GAREM1: variants seen among roughly 807,000 people sequenced by gnomAD.
GAREM1 encodes GRB2 associated regulator of MAPK1 subtype 1.
Under a neutral mutation model 71.3 loss-of-function variants are expected in GAREM1, and 26 were observed. That is an observed-to-expected ratio of 0.36 (90% confidence interval 0.27 to 0.51). The LOEUF (loss-of-function observed/expected upper bound fraction) is 0.51. Among genes scored for constraint, GAREM1 ranks in the 20% least tolerant of loss-of-function variants. The probability of loss-of-function intolerance (pLI) is 0.95; values close to 1 mark genes in which losing one functional copy is unlikely to be tolerated. For synonymous variants in GAREM1, 440 were observed against 433.2 expected, an observed-to-expected ratio of 1.02 and a Z score of -0.20; for missense variants, 1,026 against 1,103.1, an observed-to-expected ratio of 0.93 and a Z score of 0.99.
chr18:32,340,214 G>A (rs1236545125), intron 2 of GAREM1, among the ~76,000 whole-genome samples: 1 of 152,208 alleles, frequency 6.6e-6, no homozygotes, highest in Non-Finnish European at 1.5e-5. Context: ...CTATAATGAT[G>A]AGCAAAGTGG....
intron 2 of GAREM1, among the ~76,000 whole-genome samples, chr18:32,339,773 T>C (rs1429517388): frequency 2.6e-5 from 4 of 152,198 alleles, no homozygotes; most frequent in Non-Finnish European, 5.9e-5. Context: ...ATCCAGAAAG[T>C]AATATAAACC....
rs1386272523 is a variant in GAREM1 at position 32,385,985 on chromosome 18, T to C, written c.262+6910A>G. On this transcript the variant is annotated intron_variant, in intron 2 of 5. Coordinates refer to ENST00000269209, the MANE Select transcript of GAREM1 (RefSeq NM_001242409.2). ...ATTTTAGTTATTGTTAACTATAACC[T>C]AAAAATTCAGTCATCAAAAATGGTT... 2.0e-5 allele frequency among the ~76,000 whole-genome samples: 3 copies of C among 152,202 alleles called. No homozygotes were observed. In the East Asian group the frequency reaches 5.8e-4, roughly 29 times the overall value.
At chr18:32,380,721 C>G (rs2048088547) in intron 2 of GAREM1, among the ~76,000 whole-genome samples, 1 of 152,054 alleles carries the variant, frequency 6.6e-6, no homozygotes, top group South Asian at 2.1e-4. Flanking sequence ...CTTCTGCCCA[C>G]CAGATTTCAT....
chr18:32,437,745 C>T (rs1022604519), intron 1 of GAREM1, among the ~76,000 whole-genome samples: 8 of 152,110 alleles, frequency 5.3e-5, no homozygotes, highest in Non-Finnish European at 1.2e-4. Context: ...AAAAATGACA[C>T]TTCAGTGGCA....
At chr18:32,310,164 T>C in intron 3 of GAREM1, 29 bp downstream of exon 3, 1 of 1,611,684 alleles carries the variant, frequency 6.2e-7, no homozygotes, top group Non-Finnish European at 8.5e-7. Flanking sequence ...TTAGTGAGTA[T>C]AAATATTTGG....
intron 1 of GAREM1, among the ~76,000 whole-genome samples, chr18:32,454,678 C>T (rs1258555965): frequency 6.6e-6 from 1 of 152,170 alleles, no homozygotes; most frequent in Non-Finnish European, 1.5e-5. Flanking sequence ...AAGTCAGAGA[C>T]TGAGAAAGAA....
intron 4 of GAREM1, among the ~76,000 whole-genome samples, chr18:32,275,437 C>T (rs1324994137): frequency 4.6e-5 from 7 of 152,110 alleles, no homozygotes; most frequent in African/African-American, 7.2e-5. Flanking sequence ...TGGGTGTTAC[C>T]GTCCATTGCA....
chr18:32,268,223 G>C lies in GAREM1; in HGVS notation c.2279C>G (p.Pro760Arg), dbSNP rs367769605. 2.8e-5 allele frequency: 45 copies of C among 1,613,986 alleles called. No homozygotes were observed. Among genetic ancestry groups the C allele is most frequent in the Non-Finnish European group, 3.6e-5 (43 of 1,180,022 alleles). ...GAEEDPKSGS[P>R]DLSEDQYFVK... ...AAAATACTGGTCCTCCGAGAGATCT[G>C]GTGACCCAGACTTGGGGTCTTCCTC... is the stretch of plus-strand genomic sequence containing the variant. Residue 760 changes from proline (P) to arginine (R), a missense_variant, in exon 6 of 6, where the codon CCA (proline) becomes CGA (arginine). This residue lies in a region of GAREM1 where 636 missense variants were observed against 631.2 expected (regional missense o/e 1.01). Transcript: ENST00000269209.
At chr18:32,334,982 G>A (rs538640719) in intron 2 of GAREM1, among the ~76,000 whole-genome samples, 2 of 152,088 alleles carry the variant, frequency 1.3e-5, no homozygotes, top group African/African-American at 4.8e-5. Context: ...TTTGAGGACC[G>A]CTCTTTCCGC....
chr18:32,425,213 A>G (rs1466600160), intron 1 of GAREM1, among the ~76,000 whole-genome samples: 1 of 152,150 alleles, frequency 6.6e-6, no homozygotes, highest in Non-Finnish European at 1.5e-5. Context: ...CCACTTTAAA[A>G]ATATATATTT....
intron 2 of GAREM1, among the ~76,000 whole-genome samples, chr18:32,357,113 C>T (rs11876773): frequency 0.15 from 23,095 of 152,072 alleles, 2,232 homozygotes; most frequent in African/African-American, 0.27. Context: ...TCACACACTC[C>T]GTTCCCTGTA....
At chr18:32,279,062 C>T (rs182549924) in intron 4 of GAREM1, among the ~76,000 whole-genome samples, 23 of 152,282 alleles carry the variant, frequency 1.5e-4, no homozygotes, top group Admixed American at 1.5e-3. Flanking sequence ...CTTTCATGGA[C>T]TCAGAAAGTA....
rs188779278 is a variant in GAREM1, at chr18:32,365,335, A to T, written c.262+27560T>A. 1.1e-4 allele frequency among the ~76,000 whole-genome samples: 16 copies of T among 152,370 alleles called. No individual in the cohort carries two copies. In the East Asian group the frequency reaches 2.5e-3, roughly 24 times the overall value. On this transcript the variant is annotated intron_variant, in intron 2 of 5. Transcript: ENST00000269209. ...GATATTTTATTCAACAGAACAAAAA[A>T]TACTAGCTCTTCATATCGTGAAATA...
intron 2 of GAREM1, among the ~76,000 whole-genome samples, chr18:32,320,124 T>C (rs1356092120): frequency 6.6e-6 from 1 of 152,232 alleles, no homozygotes; most frequent in Non-Finnish European, 1.5e-5. Flanking sequence ...CTTACAACGA[T>C]GCGTTTCCTC....
rs1410457242 is a variant in GAREM1, at chr18:32,266,356, C to T, written c.*1515G>A. ...AAGTCCATCCTGCAAGTTATGCTGC[C>T]GCCTCACTGGCTGACCTTCCTATTC... On this transcript the variant is annotated 3_prime_UTR_variant, in exon 6 of 6. Transcript: ENST00000269209. 9.2e-5 allele frequency: 14 copies of T among 152,020 alleles called. No homozygotes were observed. The highest frequency in any genetic ancestry group is 3.1e-4 in the African/African-American group (13 of 41,386). 9.4% of individuals were successfully genotyped at this position (152,020 alleles called of 1,614,324 possible).
intron 2 of GAREM1, among the ~76,000 whole-genome samples, chr18:32,312,389 T>C (rs886088981): frequency 1.3e-5 from 2 of 152,038 alleles, no homozygotes; most frequent in African/African-American, 4.8e-5. Flanking sequence ...CTCTCATGAA[T>C]GGTGAGTGGG....
chr18:32,456,298 A>G (rs1378001212), intron 1 of GAREM1, among the ~76,000 whole-genome samples: 2 of 152,190 alleles, frequency 1.3e-5, no homozygotes, highest in East Asian at 3.8e-4. Flanking sequence ...ATTTTAATCC[A>G]CAGAAGAGCA....
intron 2 of GAREM1, among the ~76,000 whole-genome samples, chr18:32,370,951 T>C (rs1221696275): frequency 6.6e-6 from 1 of 152,086 alleles, no homozygotes; most frequent in African/African-American, 2.4e-5. Context: ...TGACAGGCAC[T>C]AGAGATACAA....
Position 32,470,396 on chromosome 18 carries a change from G to A in GAREM1, c.33C>T (p.Leu11=), listed in dbSNP as rs370278643. The change falls in exon 1 of 6, where the codon CTC becomes CTT. Residue 11 remains leucine, a synonymous_variant. Coordinates refer to ENST00000269209, the MANE Select transcript of GAREM1 (RefSeq NM_001242409.2). The surrounding 1 kb of genome is among the most constrained non-coding windows in gnomAD (Gnocchi z 4.4). MDPAPSLGCS[L]KDVKWSSVAV... ...CCACCGAGCTCCACTTCACATCCTT[G>A]AGGCTGCAGCCCAGCGAGGGCGCCG... 5 of 1,551,728 alleles carry A rather than the reference G, an allele frequency of 3.2e-6. No homozygotes were observed. The highest frequency in any genetic ancestry group is 1.7e-6 in the Non-Finnish European group (2 of 1,149,880).
Sources: allele counts gnomAD v4.1 joint callset (sites outside exome capture counted in the v4.1 genomes callset), GRCh38; gene constraint gnomAD v4.1.1; regional missense constraint gnomAD v4.1.1; non-coding constraint Gnocchi (gnomAD v3.1); transcripts MANE v1.5; gene names NCBI Gene and HGNC (gene_info 2026-07-23, HGNC 2026-07-21).